Variants in ZFP1 observed in about 807,000 individuals in gnomAD.
ZFP1 encodes ZFP1 zinc finger protein, also known as zinc finger protein 1 homolog.
ZFP1 carries 32 observed loss-of-function variants against 38.5 expected under a neutral mutation model. That is an observed-to-expected ratio of 0.83 (90% CI 0.63 to 1.12). The LOEUF (loss-of-function observed/expected upper bound fraction) is 1.12. Among genes scored for constraint, ZFP1 ranks in the 50% most tolerant of loss-of-function variants. ZFP1 has a pLI of 0.00. For synonymous variants in ZFP1, 245 were observed against 168.8 expected, an observed-to-expected ratio of 1.45 and a Z score of -3.50; for missense variants, 616 against 480.8, an observed-to-expected ratio of 1.28 and a Z score of -2.63.
intron 1 of ZFP1, among the ~76,000 whole-genome samples, chr16:75,150,911 A>G (rs1391875155): frequency 6.6e-6 from 1 of 152,146 alleles, no homozygotes; most frequent in African/African-American, 2.4e-5. Context: ...TGCAACCTCA[A>G]ACCTTTTGCC....
chr16:75,143,994 A>G (rs1444314611), upstream of ZFP1: 1 of 152,178 alleles, frequency 6.6e-6, no homozygotes, highest in Non-Finnish European at 1.5e-5. Context: ...ACTGTATAAT[A>G]AAAGGTGTCA....
chr16:75,127,615 C>G, the ZFP1 span, among the ~76,000 whole-genome samples: 1 of 152,112 alleles, frequency 6.6e-6, no homozygotes, highest in African/African-American at 2.4e-5. Flanking sequence ...GTCACTGTGT[C>G]TGGCCTAACA....
chr16:75,161,650 G>T (rs1027952697), intron 2 of ZFP1, among the ~76,000 whole-genome samples: 1 of 148,026 alleles, frequency 6.8e-6, no homozygotes, highest in Admixed American at 6.8e-5. Flanking sequence ...TCTCTTTGCA[G>T]CTGGTGTTCT....
chr16:75,146,903 G>A (rs1281782457), upstream of ZFP1, among the ~76,000 whole-genome samples: 2 of 129,450 alleles, frequency 1.5e-5, no homozygotes, highest in Non-Finnish European at 3.1e-5. Context: ...TCGCACCACT[G>A]CACTCCAACC....
chr16:75,162,004 C>T (rs61348101), intron 2 of ZFP1, among the ~76,000 whole-genome samples: 7,486 of 150,410 alleles, frequency 0.05, 647 homozygotes, highest in African/African-American at 0.17. Context: ...AGGCTGGTCT[C>T]GAACTCCTGA....
At chr16:75,156,903 G>A (rs1394683372) in intron 2 of ZFP1, among the ~76,000 whole-genome samples, 2 of 152,210 alleles carry the variant, frequency 1.3e-5, no homozygotes, top group African/African-American at 4.8e-5. Context: ...TCTGGGCCAG[G>A]CTCACCCAGG....
chr16:75,144,778 A>G (rs2036925552), upstream of ZFP1, among the ~76,000 whole-genome samples: 1 of 152,198 alleles, frequency 6.6e-6, no homozygotes, highest in Admixed American at 6.5e-5. Context: ...GGTACGTCAT[A>G]TAAATGGAAT....
At chr16:75,155,920 A>C (rs1057419975) in intron 2 of ZFP1, among the ~76,000 whole-genome samples, 1 of 152,180 alleles carries the variant, frequency 6.6e-6, no homozygotes. Context: ...TCTTTTGTCT[A>C]ATTGGTGGAG....
chr16:75,156,128 T>G (rs927067358), intron 2 of ZFP1, among the ~76,000 whole-genome samples: 10 of 152,180 alleles, frequency 6.6e-5, no homozygotes, highest in African/African-American at 1.2e-4. Flanking sequence ...CAAGCAAATT[T>G]AGCAGTGTAA....
intron 2 of ZFP1, among the ~76,000 whole-genome samples, chr16:75,164,933 G>A (rs1184495442): frequency 6.6e-6 from 1 of 152,070 alleles, no homozygotes; most frequent in African/African-American, 2.4e-5. Flanking sequence ...AGCCTCCTGA[G>A]TAGCTGGGAT....
the ZFP1 span, among the ~76,000 whole-genome samples, chr16:75,124,679 T>G: frequency 6.8e-6 from 1 of 147,478 alleles, no homozygotes; most frequent in Non-Finnish European, 1.5e-5. Flanking sequence ...CCCATCTACT[T>G]GGGAGGCTGA....
At chr16:75,155,282 C>G (rs941568295) in intron 2 of ZFP1, among the ~76,000 whole-genome samples, 1 of 152,194 alleles carries the variant, frequency 6.6e-6, no homozygotes, top group African/African-American at 2.4e-5. Context: ...CAGGCACATG[C>G]CGCCATGCTT....
chr16:75,133,503 A>T, the ZFP1 span, among the ~76,000 whole-genome samples: 4 of 152,148 alleles, frequency 2.6e-5, no homozygotes, highest in African/African-American at 9.7e-5. Flanking sequence ...GCTCCCACTT[A>T]TAAGTGAGAA....
intron 2 of ZFP1, among the ~76,000 whole-genome samples, chr16:75,163,333 C>A (rs946365548): frequency 6.6e-6 from 1 of 151,950 alleles, no homozygotes; most frequent in Non-Finnish European, 1.5e-5. Context: ...TGAGTACATT[C>A]TTGCTCTGTT....
In ZFP1 at chr16:75,149,104, A is replaced by T. The variant is rs770892197; in HGVS notation, c.-44+461A>T. On this transcript the variant is annotated intron_variant, in intron 1 of 3. Coordinates refer to ENST00000570010, the MANE Select transcript of ZFP1 (RefSeq NM_153688.4). ...GGTCAGTTGCCGGTGGTGAAGGAGA[A>T]CCGTGATCCCTTTGTCAGAGGGTCT... is the stretch of plus-strand genomic sequence containing the variant. 10 of 151,650 alleles carry T rather than the reference A, an allele frequency of 6.6e-5. No individual in the cohort carries two copies. In the East Asian group the frequency reaches 1.9e-3, roughly 30 times the overall value. The allele number at this position is 151,650 out of a possible 1,614,324, so 9.4% of individuals were successfully genotyped here.
intron 1 of ZFP1, among the ~76,000 whole-genome samples, chr16:75,150,503 G>A (rs1333338493): frequency 6.6e-6 from 1 of 152,224 alleles, no homozygotes; most frequent in African/African-American, 2.4e-5. Flanking sequence ...ACAGGCGTGA[G>A]CCATCGCACC....
chr16:75,167,751 C>G (rs2038176896), intron 3 of ZFP1, among the ~76,000 whole-genome samples: 1 of 152,146 alleles, frequency 6.6e-6, no homozygotes. Context: ...ACACACACCA[C>G]CATGTCCTGC....
At chr16:75,169,046 T>G (rs777333468) in intron 3 of ZFP1, among the ~76,000 whole-genome samples, 10 of 152,204 alleles carry the variant, frequency 6.6e-5, no homozygotes, top group South Asian at 4.1e-4. Flanking sequence ...ATTTTGGTTT[T>G]GTTTTGTTTT....
chr16:75,134,650 G>T, the ZFP1 span, among the ~76,000 whole-genome samples: 1 of 151,924 alleles, frequency 6.6e-6, no homozygotes, highest in Non-Finnish European at 1.5e-5. Flanking sequence ...TACTCAGGAG[G>T]CTGAGGCAGG....
Sources: gnomAD v4.1 joint callset for allele counts (sites outside exome capture counted in the v4.1 genomes callset) on GRCh38, gnomAD v4.1.1 for gene constraint, MANE v1.5 for transcripts, NCBI Gene and HGNC (gene_info 2026-07-23, HGNC 2026-07-21) for gene names.